Variants in TRIO observed in about 807,000 individuals in gnomAD.
TRIO encodes triple functional domain protein.
In TRIO, 58 loss-of-function variants were observed where a neutral mutation model predicts 351.9. That is an observed-to-expected ratio of 0.16 (90% CI 0.13 to 0.21). The LOEUF is 0.21. Among genes scored for constraint, TRIO ranks in the 10% least tolerant of loss-of-function variants. The pLI is 1.00. For synonymous variants in TRIO, 1,758 were observed against 1,595.7 expected (o/e 1.10, Z -2.42); for missense variants, 3,201 against 4,027.8 (o/e 0.79, Z 5.56).
intron 37 of TRIO, among the ~76,000 whole-genome samples, chr5:14,468,995 A>C (rs1754481069): frequency 6.6e-6 from 1 of 152,206 alleles, no homozygotes; most frequent in African/African-American, 2.4e-5. Context: ...TTTTTCCTGC[A>C]TGTCGGCAAT....
Position 14,259,041 on chromosome 5 carries a change from C to T in TRIO, c.158-11784C>T, listed in dbSNP as rs541645232. Among the ~76,000 whole-genome samples the T allele has an allele frequency of 4.7e-4, 71 of 152,292 alleles. 1 individual carries two copies. The highest frequency in any genetic ancestry group is 2.5e-3 in the Admixed American group (38 of 15,302). ...GCCACCAGGCCACAAGTGAGCTGGT[C>T]GTTTCCTCAAGCTCACTTGCGTCTC... On this transcript the variant is annotated intron_variant, in intron 1 of 56. Coordinates refer to ENST00000344204, the MANE Select transcript of TRIO (RefSeq NM_007118.4).
At position 14,487,820 on chromosome 5, in the gene TRIO, G is replaced by T. The variant is rs1756077958; in HGVS notation, c.7192G>T (p.Asp2398Tyr). 1 of 1,474,554 alleles carries T rather than the reference G, an allele frequency of 6.8e-7. No individual in the cohort carries two copies. The highest frequency in any genetic ancestry group is 3.0e-5 in the East Asian group (1 of 33,624). 91.3% of individuals were successfully genotyped at this position (1,474,554 alleles called of 1,614,324 possible). A position where few individuals can be genotyped will look rare whatever the true frequency, so the allele number is the denominator to read the frequency against. Residue 2398 changes from aspartate (D) to tyrosine (Y), a missense_variant, in exon 48 of 57, where the codon GAC (aspartate) becomes TAC (tyrosine). By Grantham distance (160) the Asp-to-Tyr change is radical. Around this residue, in one of 19 missense-constraint regions of TRIO, gnomAD observed 1,089 missense variants for 954.9 expected, o/e 1.14. Transcript: ENST00000344204. Reference protein sequence around the residue: ...SAPSRRPPGADAEGSEREAEP... With the variant: ...SAPSRRPPGAYAEGSEREAEP... The stretch of plus-strand genomic sequence containing the variant: ...GCCCAGCAGGCGGCCCCCCGGCGCG[G>T]ACGCCGAGGGGTCCGAGCGAGAAGC...
intron 12 of TRIO, among the ~76,000 whole-genome samples, chr5:14,358,938 C>T (rs925039730): frequency 1.3e-5 from 2 of 152,180 alleles, no homozygotes; most frequent in Non-Finnish European, 2.9e-5. Flanking sequence ...GTTCACTTTG[C>T]TGAGAGAGGC....
intron 53 of TRIO, among the ~76,000 whole-genome samples, chr5:14,500,870 C>G (rs1579845067): frequency 1.8e-5 from 2 of 112,162 alleles, no homozygotes; most frequent in South Asian, 5.7e-4. Flanking sequence ...TCCTGGGTGA[C>G]AGAGCAAGAC....
chr5:14,326,662 A>T (rs1740417621), intron 9 of TRIO, among the ~76,000 whole-genome samples: 1 of 152,232 alleles, frequency 6.6e-6, no homozygotes, highest in South Asian at 2.1e-4. Flanking sequence ...GGAGTTGAGG[A>T]CACAGAGCAA....
chr5:14,348,121 A>C lies in TRIO; in HGVS notation c.2047-10057A>C, dbSNP rs951357412. On this transcript the variant is annotated intron_variant, in intron 11 of 56. Coordinates refer to ENST00000344204, the MANE Select transcript of TRIO (RefSeq NM_007118.4). ...TGTTTGGATCACGTGGGTATTGTGT[A>C]CAGTTGTCCAGTCCCTATGTCGTTT... Among the ~76,000 whole-genome samples, 4 of 152,160 alleles carry C rather than the reference A, an allele frequency of 2.6e-5. No homozygotes were observed. In the South Asian group the frequency reaches 6.2e-4, roughly 24 times the overall value.
At chr5:14,470,741 G>A (rs1423142115) in intron 37 of TRIO, among the ~76,000 whole-genome samples, 1 of 152,246 alleles carries the variant, frequency 6.6e-6, no homozygotes, top group Non-Finnish European at 1.5e-5. Context: ...TAGAGGGATA[G>A]AATGGAAGTT....
intron 33 of TRIO, among the ~76,000 whole-genome samples, chr5:14,416,441 C>T (rs1266682348): frequency 6.6e-6 from 1 of 152,090 alleles, no homozygotes; most frequent in Non-Finnish European, 1.5e-5. Context: ...CCTATGGGGC[C>T]TCTCTTTTTG....
chr5:14,195,845 C>T (rs1790738409), intron 1 of TRIO, among the ~76,000 whole-genome samples: 1 of 152,074 alleles, frequency 6.6e-6, no homozygotes. Context: ...CTGGTCCTGT[C>T]TTTTTCCAAG....
chr5:14,411,975 T>TTTTC (rs1378901191), intron 33 of TRIO, among the ~76,000 whole-genome samples: 18 of 150,472 alleles, frequency 1.2e-4, no homozygotes, highest in Admixed American at 2.6e-4. Context: ...GTGTTGTTTT[T>TTTTC]TTTCTTTCTT....
At chr5:14,458,673 C>A (rs1259085680) in intron 34 of TRIO, among the ~76,000 whole-genome samples, 1 of 152,224 alleles carries the variant, frequency 6.6e-6, no homozygotes, top group Non-Finnish European at 1.5e-5. Context: ...GCTCCACCTG[C>A]TGTGAGCAGT....
rs774952720 is a variant in TRIO, at chr5:14,387,742, T to A, written c.3776T>A (p.Leu1259His). 2 of 1,614,238 alleles carry A rather than the reference T, an allele frequency of 1.2e-6. No individual in the cohort carries two copies. The highest frequency in any genetic ancestry group is 1.7e-6 in the Non-Finnish European group (2 of 1,180,042). The change falls in exon 23 of 57, where the codon CTC (leucine) becomes CAC (histidine). Residue 1259 changes from leucine to histidine, a missense_variant. This residue lies in a region of TRIO where 201 missense variants were observed against 266.5 expected (regional missense o/e 0.75). Coordinates refer to ENST00000344204, the MANE Select transcript of TRIO (RefSeq NM_007118.4). ...TCTGTTATTCCACAGAGTAAAAGTC[T>A]CCAGCTAGATATCATTCCAGCCAGT... ...SSDSNKSSKSLQLDIIPASIP... is the reference protein window; with the variant it reads ...SSDSNKSSKSHQLDIIPASIP...
At chr5:14,213,458 T>A (rs1792037375) in intron 1 of TRIO, among the ~76,000 whole-genome samples, 2 of 151,982 alleles carry the variant, frequency 1.3e-5, no homozygotes, top group African/African-American at 4.8e-5. Flanking sequence ...GACTCACCAG[T>A]TAGATACTAA....
intron 3 of TRIO, among the ~76,000 whole-genome samples, chr5:14,285,921 C>T (rs1736406559): frequency 1.3e-5 from 2 of 152,122 alleles, no homozygotes; most frequent in African/African-American, 4.8e-5. Context: ...ACTGTAGGGC[C>T]ATTCGGAAGC....
intron 1 of TRIO, among the ~76,000 whole-genome samples, chr5:14,198,380 AT>A (rs1196594762): frequency 1.3e-5 from 2 of 152,144 alleles, no homozygotes; most frequent in Non-Finnish European, 2.9e-5. Context: ...TCTGCCTAAC[AT>A]TTAATTGTAC....
At chr5:14,462,708 T>C (rs1753921218) in intron 35 of TRIO, 47 bp from the exon 36 acceptor site, 1 of 1,608,472 alleles carries the variant, frequency 6.2e-7, no homozygotes, top group African/African-American at 1.3e-5. Context: ...GGTCCACGTC[T>C]GTGAACTGGC....
chr5:14,368,062 G>A (rs77481777), intron 16 of TRIO, among the ~76,000 whole-genome samples: 44 of 152,230 alleles, frequency 2.9e-4, no homozygotes, highest in East Asian at 1.2e-3. Flanking sequence ...TTGGCTCTAC[G>A]GCCTCACTGG....
intron 48 of TRIO, 90 bp from the exon 49 acceptor site, chr5:14,492,477 C>T: frequency 6.4e-7 from 1 of 1,553,824 alleles, no homozygotes; most frequent in Admixed American, 1.7e-5. Context: ...GGTCATGGTG[C>T]CATGGGGCAC....
chr5:14,364,482 A>G (rs1168854001), intron 14 of TRIO, among the ~76,000 whole-genome samples, 168 bp from the exon 15 acceptor site: 1 of 152,232 alleles, frequency 6.6e-6, no homozygotes, highest in African/African-American at 2.4e-5. Flanking sequence ...TTGATTGCCT[A>G]TACATCCTTT....
Sources: allele counts gnomAD v4.1 joint callset (sites outside exome capture counted in the v4.1 genomes callset), GRCh38; gene constraint gnomAD v4.1.1; regional missense constraint gnomAD v4.1.1; transcripts MANE v1.5; gene names NCBI Gene and HGNC (gene_info 2026-07-23, HGNC 2026-07-21).